The following PTPRM variants were observed in gnomAD, a reference collection of about 807,000 sequenced individuals.
PTPRM encodes receptor-type tyrosine-protein phosphatase mu.
A neutral mutation model predicts 186.7 loss-of-function variants in PTPRM; 47 were observed. That is an observed-to-expected ratio of 0.25 (90% CI 0.20 to 0.32). The LOEUF is 0.32. PTPRM is among the 10% of genes least tolerant of loss of function. The pLI, the probability that PTPRM is intolerant of heterozygous loss-of-function variation, is 1.00. For missense variants in PTPRM, 1,494 were observed against 1,865.0 expected, an observed-to-expected ratio of 0.80 and a Z score of 3.66; for synonymous variants, 668 against 674.9, an observed-to-expected ratio of 0.99 and a Z score of 0.16.
intron 19 of PTPRM, among the ~76,000 whole-genome samples, chr18:8,260,821 C>G (rs1025529247): frequency 2.6e-5 from 4 of 152,218 alleles, no homozygotes; most frequent in Non-Finnish European, 5.9e-5. Context: ...TGAGACCAGC[C>G]CAGCAGCAGG....
At chr18:7,931,826 T>C (rs1469233608) in intron 5 of PTPRM, among the ~76,000 whole-genome samples, 1 of 152,244 alleles carries the variant, frequency 6.6e-6, no homozygotes, top group East Asian at 1.9e-4. Flanking sequence ...CAAATATTAT[T>C]TGCCTATATT....
intron 2 of PTPRM, among the ~76,000 whole-genome samples, chr18:7,830,761 G>T (rs1234096598): frequency 6.6e-6 from 1 of 152,196 alleles, no homozygotes; most frequent in Non-Finnish European, 1.5e-5. Context: ...GGAGGGCAAA[G>T]CTGAAGGATA....
intron 1 of PTPRM, among the ~76,000 whole-genome samples, chr18:7,697,533 A>G (rs1210277932): frequency 1.3e-5 from 2 of 152,204 alleles, no homozygotes; most frequent in Non-Finnish European, 2.9e-5. Flanking sequence ...CTATTGTGTG[A>G]TTGTCAGATT....
intron 10 of PTPRM, 57 bp from the exon 11 acceptor site, chr18:8,088,692 A>T: frequency 7.2e-7 from 1 of 1,389,048 alleles, no homozygotes; most frequent in Non-Finnish European, 1.0e-6. Context: ...AGTGGAAACT[A>T]AACTGAGAAG....
At chr18:7,827,057 A>C (rs1167928260) in intron 2 of PTPRM, among the ~76,000 whole-genome samples, 8 of 152,224 alleles carry the variant, frequency 5.3e-5, no homozygotes, top group Admixed American at 5.2e-4. Context: ...AGCTGTGATC[A>C]TGCCATTGTA....
chr18:7,866,203 C>T (rs151023730), intron 2 of PTPRM, among the ~76,000 whole-genome samples: 207 of 152,114 alleles, frequency 1.4e-3, no homozygotes, highest in African/African-American at 4.6e-3. Context: ...CTGCTCTGAT[C>T]GTAGTTATTT....
At chr18:8,082,744 T>C (rs1568311054) in intron 9 of PTPRM, among the ~76,000 whole-genome samples, 1 of 151,772 alleles carries the variant, frequency 6.6e-6, no homozygotes, top group Non-Finnish European at 1.5e-5. Context: ...GAATTGAATA[T>C]CATCTCAATG....
At chr18:8,077,929 A>C (rs117579670) in intron 9 of PTPRM, among the ~76,000 whole-genome samples, 1 of 152,206 alleles carries the variant, frequency 6.6e-6, no homozygotes, top group Non-Finnish European at 1.5e-5. Flanking sequence ...ATTCAAAGGA[A>C]AAACCCATTA....
At chr18:7,718,309 G>A (rs907934302) in intron 1 of PTPRM, among the ~76,000 whole-genome samples, 1 of 152,116 alleles carries the variant, frequency 6.6e-6, no homozygotes. Flanking sequence ...CATAAAGTGG[G>A]GGAAGGACAC....
intron 1 of PTPRM, among the ~76,000 whole-genome samples, chr18:7,713,577 A>T (rs896390632): frequency 9.2e-5 from 14 of 152,266 alleles, no homozygotes; most frequent in African/African-American, 3.1e-4. Context: ...CAGGCTGACA[A>T]ATTGGATAAA....
Position 7,704,109 on chromosome 18 carries a change from A to T in PTPRM, c.74-70040A>T, listed in dbSNP as rs145486386. 3.8e-3 allele frequency among the ~76,000 whole-genome samples: 586 copies of T among 152,352 alleles called. 5 individuals carry two copies. The highest frequency in any genetic ancestry group is 0.013 in the African/African-American group (544 of 41,574). On this transcript the variant is annotated intron_variant, in intron 1 of 32. Transcript: ENST00000580170. Reference sequence around the variant, plus strand: ...ATTGAGGATTTTCGCATCGACGTTCATCAGGCATATTGGCCTGATATTTTC... The same window carrying T: ...ATTGAGGATTTTCGCATCGACGTTCTTCAGGCATATTGGCCTGATATTTTC...
intron 14 of PTPRM, among the ~76,000 whole-genome samples, chr18:8,208,423 A>G (rs905745109): frequency 4.6e-5 from 7 of 152,312 alleles, no homozygotes; most frequent in African/African-American, 1.7e-4. Flanking sequence ...AACTAAAATA[A>G]GTAGCTTATT....
intron 1 of PTPRM, among the ~76,000 whole-genome samples, chr18:7,582,503 G>T (rs745425115): frequency 6.6e-6 from 1 of 152,170 alleles, no homozygotes; most frequent in Non-Finnish European, 1.5e-5. Flanking sequence ...TAGAATCAAG[G>T]GTGGGGAAAT....
chr18:8,403,454 G>T (rs1273916626), intron 32 of PTPRM: 1 of 152,052 alleles, frequency 6.6e-6, no homozygotes, highest in African/African-American at 2.4e-5. Flanking sequence ...CCAGTGTTTT[G>T]CATTCCTACC....
intron 7 of PTPRM, among the ~76,000 whole-genome samples, chr18:8,000,021 C>CCAGT (rs1229850114): frequency 6.6e-6 from 1 of 152,140 alleles, no homozygotes; most frequent in African/African-American, 2.4e-5. Flanking sequence ...AAACAATGTC[C>CCAGT]CAGTTCAGAA....
chr18:8,130,140 G>A (rs913840593), intron 13 of PTPRM, among the ~76,000 whole-genome samples: 1 of 152,162 alleles, frequency 6.6e-6, no homozygotes, highest in Admixed American at 6.5e-5. Context: ...TGTTTTTAAT[G>A]TGAAAGGATC....
At chr18:7,796,159 T>C (rs946858369) in intron 2 of PTPRM, among the ~76,000 whole-genome samples, 1 of 151,858 alleles carries the variant, frequency 6.6e-6, no homozygotes, top group Non-Finnish European at 1.5e-5. Flanking sequence ...AGATGGTAGA[T>C]TTAACAGATG....
chr18:7,671,288 C>T (rs1195576394), intron 1 of PTPRM, among the ~76,000 whole-genome samples: 1 of 152,136 alleles, frequency 6.6e-6, no homozygotes, highest in Non-Finnish European at 1.5e-5. Context: ...AAATGCTTGA[C>T]GGAATATTGC....
intron 23 of PTPRM, among the ~76,000 whole-genome samples, chr18:8,360,617 C>T (rs2095591544): frequency 1.3e-5 from 2 of 152,176 alleles, no homozygotes; most frequent in African/African-American, 4.8e-5. Flanking sequence ...CACTGGATTA[C>T]TTGCTAGGAC....
Sources: gnomAD v4.1 joint callset for allele counts (sites outside exome capture counted in the v4.1 genomes callset) on GRCh38, gnomAD v4.1.1 for gene constraint, MANE v1.5 for transcripts, NCBI Gene and HGNC (gene_info 2026-07-23, HGNC 2026-07-21) for gene names.